CNOT1: variants seen among roughly 807,000 people sequenced by gnomAD.
CNOT1 encodes the protein CCR4-NOT transcription complex subunit 1, also known as CCR4-associated factor 1.
Under a neutral mutation model 273.8 loss-of-function variants are expected in CNOT1, and 15 were observed. The ratio of observed to expected loss-of-function variants is 0.05; its 90% CI spans 0.04 to 0.08. CNOT1 has a LOEUF of 0.08. Among genes scored for constraint, CNOT1 ranks in the 10% least tolerant of loss-of-function variants. The pLI is 1.00. For synonymous variants in CNOT1, 1,022 were observed against 1,005.5 expected (o/e 1.02, Z -0.31); for missense variants, 1,644 against 2,912.2 (o/e 0.56, Z 10.02).
At chr16:58,551,368 A>C in intron 23 of CNOT1, 96 bp from the exon 24 acceptor site, 1 of 1,324,194 alleles carries the variant, frequency 7.6e-7, no homozygotes, top group Non-Finnish European at 1.0e-6. Context: ...TAAAAAATAC[A>C]CATGGTATGA....
chr16:58,566,091 G>C (rs369984850), intron 16 of CNOT1, among the ~76,000 whole-genome samples: 4 of 152,302 alleles, frequency 2.6e-5, no homozygotes, highest in East Asian at 3.9e-4. Context: ...CATGATGTAG[G>C]TTTCAGATGG....
rs573088023 is a variant in CNOT1 at position 58,530,586 on chromosome 16, C to A, written c.6178-239G>T. ...TCACTTGAAGTCAGGAGTTCGAGACCAGCCTGGCCAACATATTGAAATCCT... is the reference window on the plus strand; with the variant it reads ...TCACTTGAAGTCAGGAGTTCGAGACAAGCCTGGCCAACATATTGAAATCCT... On this transcript the variant is annotated intron_variant, in intron 42 of 48. Transcript: ENST00000317147. The A allele has an allele frequency of 6.2e-5, 18 of 290,290 alleles. 1 individual carries two copies. The highest frequency in any genetic ancestry group is 1.1e-4 in the Non-Finnish European group (17 of 156,614). The allele number at this position is 290,290 out of a possible 1,614,324, so 18.0% of individuals were successfully genotyped here. A position where few individuals can be genotyped will look rare whatever the true frequency, so the allele number is the denominator to read the frequency against.
rs369154999 is a variant in CNOT1, at chr16:58,611,246, C to T, written c.-174-11735G>A. 1.3e-4 allele frequency among the ~76,000 whole-genome samples: 20 copies of T among 149,672 alleles called. No homozygotes were observed. The East Asian group carries it at 2.4e-3, about 18-fold the overall frequency. On this transcript the variant is annotated intron_variant, in intron 1 of 48. Coordinates refer to ENST00000317147, the MANE Select transcript of CNOT1 (RefSeq NM_016284.5). The stretch of plus-strand genomic sequence containing the variant: ...GAGTTCAAGACCAGCCTGGGCAATA[C>T]GGTGAAACCCTGTCTCTGCTAAAAT...
chr16:58,523,434 T>C lies in CNOT1; in HGVS notation c.6853A>G (p.Ser2285Gly). ...RYPNSHTHYF[S>G]CTMLYLFAEA... ...GCAAAAAGGTACAGCATGGTGCAAC[T>C]GAAGTAGTGAGTGTGGCTATTTGGG... The change falls in exon 47 of 49, where the codon AGT (serine) becomes GGT (glycine). Residue 2285 changes from serine (S) to glycine (G), a missense_variant. Coordinates refer to ENST00000317147, the MANE Select transcript of CNOT1 (RefSeq NM_016284.5). 1.2e-6 allele frequency: 2 copies of C among 1,614,082 alleles called. No homozygotes were observed. Among genetic ancestry groups the C allele is most frequent in the Non-Finnish European group, 1.7e-6 (2 of 1,179,922 alleles).
At chr16:58,602,571 A>AAAAC (rs1555501308) in intron 1 of CNOT1, among the ~76,000 whole-genome samples, 1 of 148,042 alleles carries the variant, frequency 6.8e-6, no homozygotes, top group African/African-American at 2.5e-5. Flanking sequence ...AAAAAAAAAA[A>AAAAC]AAAAAACCCA....
chr16:58,622,664 T>C (rs1459134075), intron 1 of CNOT1, among the ~76,000 whole-genome samples: 1 of 151,272 alleles, frequency 6.6e-6, no homozygotes, highest in Non-Finnish European at 1.5e-5. Context: ...CTGGCGAACA[T>C]GGTGAAACCC....
chr16:58,530,148 CA>C, intron 43 of CNOT1, 97 bp downstream of exon 43: 1 of 919,766 alleles, frequency 1.1e-6, no homozygotes, highest in South Asian at 1.8e-5. Flanking sequence ...TATCATGCCT[CA>C]AAGGCTTAAT....
At chr16:58,562,597 G>A (rs2040896501) in intron 16 of CNOT1, among the ~76,000 whole-genome samples, 1 of 151,878 alleles carries the variant, frequency 6.6e-6, no homozygotes, top group African/African-American at 2.4e-5. Flanking sequence ...ACAGAGGCAA[G>A]CGGATCACAA....
intron 1 of CNOT1, among the ~76,000 whole-genome samples, chr16:58,609,551 C>A (rs2042815868): frequency 2.0e-5 from 3 of 151,986 alleles, no homozygotes; most frequent in Admixed American, 2.0e-4. Context: ...CAGCCTTGAT[C>A]TCTTAGGCTC....
chr16:58,525,243 G>A lies in CNOT1; in HGVS notation c.6720C>T (p.Ser2240=). The change falls in exon 46 of 49, where the codon AGC becomes AGT. Residue 2240 remains serine (S), a synonymous_variant. Coordinates refer to ENST00000317147, the MANE Select transcript of CNOT1 (RefSeq NM_016284.5). ...IHNKGSTPSM[S]TITHSAHMDI... is the part of the protein sequence containing the mutation. ...CCATGTGTGCTGAGTGAGTGATGGT[G>A]CTCATTGAAGGTGTGCTGCCCTTGT... 1 of 1,613,980 alleles carries A rather than the reference G, an allele frequency of 6.2e-7. No homozygotes were observed. Among genetic ancestry groups the A allele is most frequent in the Non-Finnish European group, 8.5e-7 (1 of 1,180,034 alleles).
chr16:58,570,074 TG>T (rs1418986745), intron 16 of CNOT1, among the ~76,000 whole-genome samples: 2 of 152,114 alleles, frequency 1.3e-5, no homozygotes, highest in Non-Finnish European at 2.9e-5. Flanking sequence ...CAGAAAGCAG[TG>T]GGGGAGCATA....
At chr16:58,622,858 AAAAAG>A (rs1200991864) in intron 1 of CNOT1, among the ~76,000 whole-genome samples, 1 of 151,810 alleles carries the variant, frequency 6.6e-6, no homozygotes. Context: ...CAAAAAAAAA[AAAAAG>A]AAAGAAAGAA....
chr16:58,584,020 T>G (rs1258139304), intron 8 of CNOT1, among the ~76,000 whole-genome samples: 2 of 151,154 alleles, frequency 1.3e-5, no homozygotes, highest in African/African-American at 4.9e-5. Context: ...TACAAAGAAT[T>G]ATCTAGGCAT....
intron 5 of CNOT1, 21 bp downstream of exon 5, chr16:58,587,324 C>T: frequency 6.2e-7 from 1 of 1,613,828 alleles, no homozygotes; most frequent in Non-Finnish European, 8.5e-7. Flanking sequence ...TTGTCTACAT[C>T]TCTTTTCATA....
At chr16:58,617,099 G>A (rs915071368) in intron 1 of CNOT1, among the ~76,000 whole-genome samples, 31 of 152,158 alleles carry the variant, frequency 2.0e-4, no homozygotes, top group African/African-American at 2.4e-4. Flanking sequence ...CAGGGCTCAC[G>A]GCTGTAATGC....
intron 2 of CNOT1, chr16:58,597,541 A>G (rs955382659): frequency 1.1e-5 from 3 of 265,426 alleles, no homozygotes; most frequent in African/African-American, 2.3e-5. Context: ...CAACACAAAA[A>G]AAAGTTGAGA....
chr16:58,548,018 AG>A (rs1230299879), intron 25 of CNOT1, among the ~76,000 whole-genome samples: 1 of 152,210 alleles, frequency 6.6e-6, no homozygotes, highest in African/African-American at 2.4e-5. Flanking sequence ...CTAGGTTTAA[AG>A]CAGAGACCTA....
chr16:58,521,582 G>C (rs951868247), intron 47 of CNOT1, among the ~76,000 whole-genome samples: 7 of 152,194 alleles, frequency 4.6e-5, no homozygotes, highest in Non-Finnish European at 8.8e-5. Context: ...AGAATAAGGG[G>C]TGATGGGGGA....
Position 58,550,119 on chromosome 16 carries a change from T to C in CNOT1, c.3343-221A>G, listed in dbSNP as rs375486116. 5.3e-5 allele frequency among the ~76,000 whole-genome samples: 8 copies of C among 152,364 alleles called. No individual in the cohort carries two copies. In the East Asian group the frequency reaches 1.3e-3, roughly 26 times the overall value. On this transcript the variant is annotated intron_variant, in intron 24 of 48. Coordinates refer to ENST00000317147, the MANE Select transcript of CNOT1 (RefSeq NM_016284.5). Reference sequence around the variant, plus strand: ...TACGTGATTGGGACTGAAACATCTATGGCTATTTTCAGCTTTAAAATTATA... The same window carrying C: ...TACGTGATTGGGACTGAAACATCTACGGCTATTTTCAGCTTTAAAATTATA...
Sources: allele counts gnomAD v4.1 joint callset (sites outside exome capture counted in the v4.1 genomes callset), GRCh38; gene constraint gnomAD v4.1.1; transcripts MANE v1.5; gene names NCBI Gene and HGNC (gene_info 2026-07-23, HGNC 2026-07-21).